The following MAP3K3 variants were observed in gnomAD, a reference collection of about 807,000 sequenced individuals.
MAP3K3 encodes the protein mitogen-activated protein kinase kinase kinase 3, also known as MAP/ERK kinase kinase 3.
A neutral mutation model predicts 80.9 loss-of-function variants in MAP3K3; 12 were observed. The observed-to-expected ratio is 0.15, with a 90% confidence interval of 0.10 to 0.24. MAP3K3 has a LOEUF of 0.24. Among genes scored for constraint, MAP3K3 ranks in the 10% least tolerant of loss-of-function variants. The probability of loss-of-function intolerance (pLI) is 1.00; values close to 1 mark genes in which losing one functional copy is unlikely to be tolerated. For synonymous variants in MAP3K3, 272 were observed against 307.1 expected (o/e 0.89, Z 1.19); for missense variants, 596 against 834.7 (o/e 0.71, Z 3.52).
intron 1 of MAP3K3, among the ~76,000 whole-genome samples, chr17:63,629,942 A>G (rs963693457): frequency 6.6e-6 from 1 of 152,214 alleles, no homozygotes; most frequent in Admixed American, 6.5e-5. Context: ...CTTCAGTCAT[A>G]CTTGTGGATC....
intron 1 of MAP3K3, among the ~76,000 whole-genome samples, chr17:63,625,178 A>G (rs1272285059): frequency 2.6e-5 from 4 of 152,224 alleles, no homozygotes; most frequent in Non-Finnish European, 5.9e-5. Context: ...CCCAAGACTG[A>G]AGCCTGTTTG....
At chr17:63,641,869 G>C (rs2034450554) in intron 2 of MAP3K3, among the ~76,000 whole-genome samples, 1 of 152,168 alleles carries the variant, frequency 6.6e-6, no homozygotes, top group Admixed American at 6.5e-5. Context: ...ATGAACAAGA[G>C]GAACCAGCAA....
intron 3 of MAP3K3, among the ~76,000 whole-genome samples, chr17:63,651,283 A>T (rs2034650279): frequency 1.3e-5 from 2 of 152,130 alleles, no homozygotes; most frequent in Non-Finnish European, 2.9e-5. Context: ...CAGAGGTTTG[A>T]GATCAGCCTG....
chr17:63,643,609 C>T (rs765159612), intron 2 of MAP3K3, among the ~76,000 whole-genome samples: 4 of 152,228 alleles, frequency 2.6e-5, no homozygotes, highest in Non-Finnish European at 5.9e-5. Context: ...AAATGTAAAA[C>T]TCTTCTAAAA....
Position 63,622,640 on chromosome 17 carries a change from C to T in MAP3K3, c.-120C>T, listed in dbSNP as rs2034009235. 4.7e-6 allele frequency: 1 copy of T among 212,742 alleles called. No individual in the cohort carries two copies. Among genetic ancestry groups the T allele is most frequent in the Non-Finnish European group, 9.0e-6 (1 of 111,126 alleles). 13.2% of individuals were successfully genotyped at this position (212,742 alleles called of 1,614,324 possible). ...AGGCGGCGGGGGCCCAGAGCGCAGC[C>T]CGCGCCCCCCGCGCGGAGCCAGGCC... On this transcript the variant is annotated 5_prime_UTR_variant, in exon 1 of 16. Coordinates refer to ENST00000361733, the MANE Select transcript of MAP3K3 (RefSeq NM_002401.5).
intron 1 of MAP3K3, among the ~76,000 whole-genome samples, chr17:63,624,165 T>C (rs1428530807): frequency 2.0e-5 from 3 of 152,222 alleles, no homozygotes; most frequent in East Asian, 3.8e-4. Flanking sequence ...TTTAAATATA[T>C]AATTGAAGAA....
chr17:63,688,397 C>A, intron 8 of MAP3K3, 130 bp from the exon 9 acceptor site: 1 of 729,382 alleles, frequency 1.4e-6, no homozygotes, highest in Non-Finnish European at 2.5e-6. Flanking sequence ...CAGAAAAGGG[C>A]TATTTCCCGC....
chr17:63,679,499 A>G (rs1361401369), intron 6 of MAP3K3, among the ~76,000 whole-genome samples: 2 of 152,028 alleles, frequency 1.3e-5, no homozygotes, highest in Non-Finnish European at 2.9e-5. Context: ...TGTTTTGTCT[A>G]TGAGACAGGG....
At chr17:63,662,714 G>A (rs2034919239) in intron 5 of MAP3K3, among the ~76,000 whole-genome samples, 1 of 138,190 alleles carries the variant, frequency 7.2e-6, no homozygotes, top group Non-Finnish European at 1.5e-5. Flanking sequence ...TTGGAGTGCA[G>A]TGGCGCAATC....
chr17:63,627,888 A>G (rs960645222), intron 1 of MAP3K3, among the ~76,000 whole-genome samples: 2 of 145,540 alleles, frequency 1.4e-5, no homozygotes, highest in Non-Finnish European at 3.0e-5. Flanking sequence ...CCGGCCTGTC[A>G]CTCTTATTTT....
Position 63,646,048 on chromosome 17 carries a change from C to T in MAP3K3, c.141C>T (p.Ile47=), listed in dbSNP as rs1226713292. The change falls in exon 3 of 16, where the codon ATC becomes ATT. Residue 47 remains isoleucine (I), a synonymous_variant. Transcript: ENST00000361733. ...CTTTTTGGCAGAGTGACGTCAGAAT[C>T]AAGTTCGAGCACAACGGGGAGAGGC... The part of the protein sequence containing the change: ...GHSNRQSDVR[I]KFEHNGERRI... 1 of 1,614,038 alleles carries T rather than the reference C, an allele frequency of 6.2e-7. No individual in the cohort carries two copies. Among genetic ancestry groups the T allele is most frequent in the Admixed American group, 1.7e-5 (1 of 60,014 alleles).
At chr17:63,624,775 TTC>T (rs2034068128) in intron 1 of MAP3K3, among the ~76,000 whole-genome samples, 1 of 152,226 alleles carries the variant, frequency 6.6e-6, no homozygotes. Context: ...CCCCATACAA[TTC>T]TCTCCATCTT....
At chr17:63,671,288 G>A (rs1445915784) in intron 6 of MAP3K3, among the ~76,000 whole-genome samples, 2 of 142,188 alleles carry the variant, frequency 1.4e-5, no homozygotes, top group African/African-American at 2.7e-5. Context: ...ACGGAGTCTT[G>A]CTCTGTCACC....
At chr17:63,653,865 A>G (rs556774609) in intron 4 of MAP3K3, among the ~76,000 whole-genome samples, 1 of 152,110 alleles carries the variant, frequency 6.6e-6, no homozygotes, top group East Asian at 1.9e-4. Context: ...CTAATTCCAG[A>G]ACATTTTCTT....
chr17:63,664,664 C>T (rs1297876286), intron 5 of MAP3K3, among the ~76,000 whole-genome samples: 1 of 152,130 alleles, frequency 6.6e-6, no homozygotes. Context: ...CTAACTTCTA[C>T]CCAGAGTCCT....
Position 63,649,670 on chromosome 17 carries a change from A to G in MAP3K3, c.168-2887A>G, listed in dbSNP as rs574430034. Reference sequence around the variant, plus strand: ...CTATCCACCTGCCTTGGCCTTCCAGAGTTCTGGGATTATAGGTGTGAGCCA... The same window carrying G: ...CTATCCACCTGCCTTGGCCTTCCAGGGTTCTGGGATTATAGGTGTGAGCCA... On this transcript the variant is annotated intron_variant, in intron 3 of 15. Coordinates refer to ENST00000361733, the MANE Select transcript of MAP3K3 (RefSeq NM_002401.5). Among the ~76,000 whole-genome samples the G allele has an allele frequency of 2.2e-4, 33 of 152,280 alleles. 1 individual carries two copies. The South Asian group carries it at 6.8e-3, about 32-fold the overall frequency.
intron 1 of MAP3K3, among the ~76,000 whole-genome samples, chr17:63,631,067 G>A (rs1356715604): frequency 6.6e-6 from 1 of 152,112 alleles, no homozygotes; most frequent in Non-Finnish European, 1.5e-5. Flanking sequence ...AGGGAGGATC[G>A]CTTGAGCTCA....
intron 5 of MAP3K3, among the ~76,000 whole-genome samples, chr17:63,664,557 T>TA (rs1256407699): frequency 4.6e-5 from 7 of 152,340 alleles, no homozygotes; most frequent in South Asian, 4.1e-4. Context: ...TGGACTTTTG[T>TA]AACTTATTTT....
At chr17:63,660,961 A>G (rs1387421488) in intron 5 of MAP3K3, among the ~76,000 whole-genome samples, 2 of 152,220 alleles carry the variant, frequency 1.3e-5, no homozygotes, top group Admixed American at 1.3e-4. Flanking sequence ...CTCACAAGGT[A>G]CATAGTCTTA....
Sources: gnomAD v4.1 joint callset for allele counts (sites outside exome capture counted in the v4.1 genomes callset) on GRCh38, gnomAD v4.1.1 for gene constraint, MANE v1.5 for transcripts, NCBI Gene and HGNC (gene_info 2026-07-23, HGNC 2026-07-21) for gene names.